ZNF407: variants seen among roughly 807,000 people sequenced by gnomAD.
ZNF407 encodes the protein zinc finger protein 407.
A neutral mutation model predicts 131.2 loss-of-function variants in ZNF407; 17 were observed. The ratio of observed to expected loss-of-function variants is 0.13; its 90% confidence interval spans 0.09 to 0.19. The LOEUF (loss-of-function observed/expected upper bound fraction) is 0.19, where lower values mean the gene tolerates loss of function less well. Ranked by LOEUF, ZNF407 falls within the 10% of genes least tolerant of loss-of-function variation. The pLI, the probability that ZNF407 is intolerant of heterozygous loss-of-function variation, is 1.00. For missense variants in ZNF407, 2,681 were observed against 2,830.6 expected (o/e 0.95, Z 1.20); for synonymous variants, 1,156 against 1,062.0 (o/e 1.09, Z -1.72).
At chr18:74,913,179 T>C (rs1028900562) in intron 7 of ZNF407, among the ~76,000 whole-genome samples, 2 of 152,206 alleles carry the variant, frequency 1.3e-5, no homozygotes, top group African/African-American at 4.8e-5. Context: ...TTCATGCCCA[T>C]TGACATTTGA....
At chr18:74,774,862 C>T (rs191462868) in intron 3 of ZNF407, among the ~76,000 whole-genome samples, 25 of 152,180 alleles carry the variant, frequency 1.6e-4, no homozygotes, top group East Asian at 9.7e-4. Context: ...GGAAAAGTGT[C>T]ATCTCAGTAA....
intron 3 of ZNF407, among the ~76,000 whole-genome samples, chr18:74,765,025 C>A (rs759959903): frequency 1.1e-4 from 17 of 152,066 alleles, no homozygotes; most frequent in Non-Finnish European, 1.6e-4. Context: ...GGAAGAAAAT[C>A]ATAGTAAAAG....
chr18:74,692,124 T>G (rs1037087222), intron 3 of ZNF407, among the ~76,000 whole-genome samples: 1 of 151,452 alleles, frequency 6.6e-6, no homozygotes, highest in Non-Finnish European at 1.5e-5. Flanking sequence ...CGTGTGTGGG[T>G]GTGTGTGTGT....
chr18:74,617,564 A>T (rs1483474680), intron 1 of ZNF407, among the ~76,000 whole-genome samples: 2 of 152,018 alleles, frequency 1.3e-5, no homozygotes, highest in Non-Finnish European at 2.9e-5. Flanking sequence ...TTTCCTCTTT[A>T]AACAATACAT....
At chr18:75,031,417 C>G (rs1371934239) in intron 8 of ZNF407, among the ~76,000 whole-genome samples, 1 of 151,864 alleles carries the variant, frequency 6.6e-6, no homozygotes, top group Non-Finnish European at 1.5e-5. Context: ...GAAAATGGGT[C>G]TTTTTTTTAT....
chr18:74,827,388 CTTTAT>C (rs1442553638), intron 4 of ZNF407, among the ~76,000 whole-genome samples: 2 of 151,924 alleles, frequency 1.3e-5, no homozygotes, highest in Non-Finnish European at 2.9e-5. Flanking sequence ...TTTCTTTTCA[CTTTAT>C]TTATTTTTCT....
chr18:74,940,844 G>A lies in ZNF407; in HGVS notation c.5428+20152G>A, dbSNP rs189768787. On this transcript the variant is annotated intron_variant, in intron 8 of 8. Transcript: ENST00000299687. ...CTGAGCCAACCCCAGGTCACGCTACGGAACCCTGTAGGTGGGCAGGGTGTG... is the reference window on the plus strand; with the variant it reads ...CTGAGCCAACCCCAGGTCACGCTACAGAACCCTGTAGGTGGGCAGGGTGTG... Among the ~76,000 whole-genome samples, 736 of 152,290 alleles carry A rather than the reference G, an allele frequency of 4.8e-3. 7 individuals are homozygous for A. The highest frequency in any genetic ancestry group is 0.016 in the African/African-American group (684 of 41,552).
intron 7 of ZNF407, among the ~76,000 whole-genome samples, chr18:74,912,740 C>A (rs966715054): frequency 6.6e-6 from 1 of 151,942 alleles, no homozygotes; most frequent in South Asian, 2.1e-4. Context: ...GCAAAATTAT[C>A]AACATTTGCT....
intron 5 of ZNF407, among the ~76,000 whole-genome samples, chr18:74,878,861 G>A (rs1264330883): frequency 2.2e-5 from 3 of 133,590 alleles, no homozygotes; most frequent in East Asian, 2.2e-4. Flanking sequence ...TTTGGCTGCT[G>A]ATCAAACCTA....
In ZNF407 at chr18:74,877,251, C is replaced by T. The variant is rs1183259106; in HGVS notation, c.4932C>T (p.Asn1644=). 1 of 1,613,970 alleles carries T rather than the reference C, an allele frequency of 6.2e-7. No individual in the cohort carries two copies. The highest frequency in any genetic ancestry group is 2.2e-5 in the East Asian group (1 of 44,884). The change falls in exon 5 of 9, where the codon AAC becomes AAT. Residue 1644 remains asparagine, a synonymous_variant. Transcript: ENST00000299687. ...GTTTCACAGAGAAGTGGGCCCTGAACAACCACATGAAACTCCACACGGGAG... is the reference window on the plus strand; with the variant it reads ...GTTTCACAGAGAAGTGGGCCCTGAATAACCACATGAAACTCCACACGGGAG... ...DRSFTEKWAL[N]NHMKLHTGEK...
At chr18:74,870,083 A>T (rs1971065714) in intron 4 of ZNF407, among the ~76,000 whole-genome samples, 1 of 152,172 alleles carries the variant, frequency 6.6e-6, no homozygotes, top group African/African-American at 2.4e-5. Flanking sequence ...TTTTAGAATG[A>T]GTCATTCTCT....
intron 8 of ZNF407, among the ~76,000 whole-genome samples, chr18:75,058,785 T>TCATAG (rs2122284236): frequency 6.6e-6 from 1 of 152,348 alleles, no homozygotes; most frequent in East Asian, 1.9e-4. Context: ...ACATTCTTGG[T>TCATAG]CATAGCCCAG....
rs147684864 is a variant in ZNF407 at position 74,632,472 on chromosome 18, A to G, written c.1453A>G (p.Ser485Gly). The G allele has an allele frequency of 6.2e-7, 1 of 1,614,060 alleles. No homozygotes were observed. The highest frequency in any genetic ancestry group is 1.3e-5 in the African/African-American group (1 of 75,072). ...GCTGAAACACCTGGAAGCGTGCAGC[A>G]GTGTGCAGAGAGTGTGTGTGACTAC... ...SVLKHLEACS[S>G]VQRVCVTTSE... Residue 485 changes from serine to glycine, a missense_variant, in exon 2 of 9, where the codon AGT (serine) becomes GGT (glycine). This residue lies in a region of ZNF407 where 1,789 missense variants were observed against 1,748.7 expected (regional missense o/e 1.02). Transcript: ENST00000299687.
chr18:75,065,000 C>T lies in ZNF407; in HGVS notation c.*532C>T, dbSNP rs996747368. ...CATCTTGAAGCAGTCCACTTCCATT[C>T]AATTTTTTTTTTTTAATTTTAGAAT... On this transcript the variant is annotated 3_prime_UTR_variant, in exon 9 of 9. Coordinates refer to ENST00000299687, the MANE Select transcript of ZNF407 (RefSeq NM_017757.3). 6.6e-6 allele frequency: 1 copy of T among 151,376 alleles called. No homozygotes were observed. Among genetic ancestry groups the T allele is most frequent in the African/African-American group, 2.5e-5 (1 of 40,532 alleles). 9.4% of individuals were successfully genotyped at this position (151,376 alleles called of 1,614,324 possible). A position where few individuals can be genotyped will look rare whatever the true frequency, so the allele number is the denominator to read the frequency against.
chr18:75,016,166 G>A (rs1210967167), intron 8 of ZNF407, among the ~76,000 whole-genome samples: 3 of 152,032 alleles, frequency 2.0e-5, no homozygotes, highest in Non-Finnish European at 4.4e-5. Context: ...ATTTATGAAT[G>A]TTAGCGTGGT....
intron 4 of ZNF407, among the ~76,000 whole-genome samples, chr18:74,850,371 T>TTAGTATA (rs1311423533): frequency 1.3e-5 from 2 of 152,194 alleles, no homozygotes; most frequent in African/African-American, 4.8e-5. Context: ...TTCTTCAGCT[T>TTAGTATA]TAGTATATAG....
At position 74,664,793 on chromosome 18, in the gene ZNF407, G is replaced by A. The variant is rs554555842; in HGVS notation, c.4802+23671G>A. Among the ~76,000 whole-genome samples, 9 of 151,756 alleles carry A rather than the reference G, an allele frequency of 5.9e-5. No individual in the cohort carries two copies. In the South Asian group the frequency reaches 6.3e-4, roughly 11 times the overall value. Reference sequence around the variant, plus strand: ...GAATCCCAGTGCATCTGTTTTTGGCGCTGCGTATCTGTGTGTTGCTGCTCA... The same window carrying A: ...GAATCCCAGTGCATCTGTTTTTGGCACTGCGTATCTGTGTGTTGCTGCTCA... On this transcript the variant is annotated intron_variant, in intron 3 of 8. Transcript: ENST00000299687.
chr18:74,800,430 T>A (rs1234185263), intron 4 of ZNF407, among the ~76,000 whole-genome samples: 1 of 152,110 alleles, frequency 6.6e-6, no homozygotes, highest in African/African-American at 2.4e-5. Flanking sequence ...TTAGTCACAT[T>A]GTTCCCTCTT....
intron 3 of ZNF407, among the ~76,000 whole-genome samples, chr18:74,682,004 C>T (rs1247663229): frequency 1.3e-5 from 2 of 152,168 alleles, no homozygotes; most frequent in African/African-American, 4.8e-5. Context: ...GTATTTGGAC[C>T]TGCTATATTG....
Sources: gnomAD v4.1 joint callset for allele counts (sites outside exome capture counted in the v4.1 genomes callset) on GRCh38, gnomAD v4.1.1 for gene constraint, gnomAD v4.1.1 regional missense constraint, MANE v1.5 for transcripts, NCBI Gene and HGNC (gene_info 2026-07-23, HGNC 2026-07-21) for gene names.